Variants in AUTS2 observed in about 807,000 individuals in gnomAD.
AUTS2 encodes activator of transcription and developmental regulator AUTS2, also known as autism susceptibility gene 2 protein.
A neutral mutation model predicts 112.4 loss-of-function variants in AUTS2; 17 were observed. The observed-to-expected ratio is 0.15, with a 90% confidence interval of 0.10 to 0.23. AUTS2 has a LOEUF of 0.23. AUTS2 is among the 10% of genes least tolerant of loss of function. The pLI is 1.00. For synonymous variants in AUTS2, 751 were observed against 702.7 expected, an observed-to-expected ratio of 1.07 and a Z score of -1.09; for missense variants, 1,510 against 1,701.6, an observed-to-expected ratio of 0.89 and a Z score of 1.98.
At chr7:70,426,094 G>C (rs1441706365) in intron 4 of AUTS2, among the ~76,000 whole-genome samples, 1 of 152,138 alleles carries the variant, frequency 6.6e-6, no homozygotes, top group Non-Finnish European at 1.5e-5. Context: ...GTACAGGCAG[G>C]CTTTGCACCC....
intron 1 of AUTS2, among the ~76,000 whole-genome samples, chr7:69,718,102 T>C (rs1798716202): frequency 6.6e-6 from 1 of 152,240 alleles, no homozygotes; most frequent in South Asian, 2.1e-4. Flanking sequence ...AGAAACCCTG[T>C]CTTCCACTAA....
chr7:70,140,725 C>T (rs1283501151), intron 4 of AUTS2, among the ~76,000 whole-genome samples: 1 of 152,012 alleles, frequency 6.6e-6, no homozygotes, highest in Non-Finnish European at 1.5e-5. Context: ...TAATTTTTGG[C>T]CATTATATAT....
At chr7:70,188,729 A>G (rs1809730471) in intron 4 of AUTS2, among the ~76,000 whole-genome samples, 1 of 151,222 alleles carries the variant, frequency 6.6e-6, no homozygotes, top group Non-Finnish European at 1.5e-5. Context: ...GAATTCCACC[A>G]TTTGCTAGCT....
At chr7:70,739,003 C>CTTTTTTTTTTTTTTTTTTTTTTTTTTTT in intron 6 of AUTS2, among the ~76,000 whole-genome samples, 1 of 57,298 alleles carries the variant, frequency 1.7e-5, no homozygotes, top group Non-Finnish European at 3.2e-5. Flanking sequence ...GTTTTGAGGC[C>CTTTTTTTTTTTTTTTTTTTTTTTTTTTT]TTTTTTTTTT....
chr7:69,868,718 G>A (rs1793349203), intron 1 of AUTS2, among the ~76,000 whole-genome samples: 1 of 152,212 alleles, frequency 6.6e-6, no homozygotes, highest in South Asian at 2.1e-4. Flanking sequence ...CATTTTATAA[G>A]AGATAAATTT....
At chr7:69,629,022 A>G (rs1485387587) in intron 1 of AUTS2, among the ~76,000 whole-genome samples, 1 of 152,226 alleles carries the variant, frequency 6.6e-6, no homozygotes, top group Non-Finnish European at 1.5e-5. Flanking sequence ...GAGAAAGGTC[A>G]GTCAGCTGCT....
chr7:69,832,864 G>A (rs1791562221), intron 1 of AUTS2, among the ~76,000 whole-genome samples: 1 of 152,150 alleles, frequency 6.6e-6, no homozygotes, highest in African/African-American at 2.4e-5. Flanking sequence ...TGAGGGTAAA[G>A]TCGTAAAAAT....
At chr7:70,303,744 C>T (rs1338430355) in intron 4 of AUTS2, among the ~76,000 whole-genome samples, 1 of 152,138 alleles carries the variant, frequency 6.6e-6, no homozygotes, top group Non-Finnish European at 1.5e-5. Context: ...TATACATGTT[C>T]CCTTACTGCT....
chr7:69,688,618 C>A (rs960924869), intron 1 of AUTS2, among the ~76,000 whole-genome samples: 9 of 152,026 alleles, frequency 5.9e-5, no homozygotes, highest in Non-Finnish European at 1.3e-4. Flanking sequence ...TTTATCATTT[C>A]TTTTTGTTGG....
At chr7:70,426,027 G>T (rs573536971) in intron 4 of AUTS2, among the ~76,000 whole-genome samples, 1 of 152,202 alleles carries the variant, frequency 6.6e-6, no homozygotes, top group East Asian at 1.9e-4. Flanking sequence ...AATAGATGAG[G>T]AAACTGAAGC....
chr7:70,259,717 G>T (rs906779488), intron 4 of AUTS2, among the ~76,000 whole-genome samples: 8 of 152,194 alleles, frequency 5.3e-5, no homozygotes, highest in African/African-American at 1.7e-4. Context: ...AGAGCTTGTA[G>T]AGGACTTTTC....
chr7:69,627,094 C>T (rs1793990960), intron 1 of AUTS2, among the ~76,000 whole-genome samples: 1 of 152,198 alleles, frequency 6.6e-6, no homozygotes, highest in Non-Finnish European at 1.5e-5. Flanking sequence ...TCGTCACTTT[C>T]TTGAGCACCA....
At chr7:70,243,405 G>A (rs1213909498) in intron 4 of AUTS2, among the ~76,000 whole-genome samples, 2 of 152,016 alleles carry the variant, frequency 1.3e-5, no homozygotes, top group East Asian at 3.9e-4. Context: ...GGATGATTCA[G>A]TTTGAATAAA....
chr7:70,191,530 C>G (rs930089617), intron 4 of AUTS2, among the ~76,000 whole-genome samples: 1 of 152,124 alleles, frequency 6.6e-6, no homozygotes, highest in Non-Finnish European at 1.5e-5. Flanking sequence ...GTTTATACAT[C>G]AAATTATCAA....
intron 4 of AUTS2, among the ~76,000 whole-genome samples, chr7:70,195,003 T>C (rs1810098515): frequency 6.6e-6 from 1 of 152,220 alleles, no homozygotes; most frequent in African/African-American, 2.4e-5. Context: ...GGCCTGGCTT[T>C]CTCAATATTT....
chr7:70,689,443 C>A (rs780079046), intron 5 of AUTS2, among the ~76,000 whole-genome samples: 58 of 152,038 alleles, frequency 3.8e-4, no homozygotes, highest in Non-Finnish European at 6.3e-4. Context: ...CAGGTTCTGA[C>A]CCTGTCTGGA....
chr7:70,070,682 C>T (rs554166253), intron 2 of AUTS2, among the ~76,000 whole-genome samples: 5 of 151,984 alleles, frequency 3.3e-5, no homozygotes, highest in African/African-American at 4.8e-5. Flanking sequence ...ATGGCTAACA[C>T]GGTGAAACCC....
intron 5 of AUTS2, among the ~76,000 whole-genome samples, chr7:70,478,416 G>A (rs1020788401): frequency 1.4e-4 from 21 of 152,106 alleles, no homozygotes; most frequent in African/African-American, 5.1e-4. Flanking sequence ...ACTGAGGAAA[G>A]CATCTTATAC....
At chr7:69,942,860 ATCT>A (rs531613049) in intron 2 of AUTS2, among the ~76,000 whole-genome samples, 107 of 152,360 alleles carry the variant, frequency 7.0e-4, no homozygotes, top group African/African-American at 2.5e-3. Context: ...CAACAATTTA[ATCT>A]TCTAATATGC....
Sources: allele counts gnomAD v4.1 joint callset (sites outside exome capture counted in the v4.1 genomes callset), GRCh38; gene constraint gnomAD v4.1.1; transcripts MANE v1.5; gene names NCBI Gene and HGNC (gene_info 2026-07-23, HGNC 2026-07-21).